SEC16A: variants seen among roughly 807,000 people sequenced by gnomAD.
SEC16A encodes the protein SEC16 homolog A, endoplasmic reticulum export factor.
A neutral mutation model predicts 221.9 loss-of-function variants in SEC16A; 110 were observed. That is an observed-to-expected ratio of 0.50 (90% confidence interval 0.42 to 0.58). SEC16A has a LOEUF of 0.58. Ranked by LOEUF, SEC16A falls within the 20% of genes least tolerant of loss-of-function variation. The pLI, the probability that SEC16A is intolerant of heterozygous loss-of-function variation, is 0.00. For synonymous variants in SEC16A, 1,393 were observed against 1,257.7 expected, an observed-to-expected ratio of 1.11 and a Z score of -2.28; for missense variants, 3,165 against 3,097.8, an observed-to-expected ratio of 1.02 and a Z score of -0.52.
chr9:136,470,771 G>C (rs768259207), intron 4 of SEC16A, among the ~76,000 whole-genome samples: 2 of 152,216 alleles, frequency 1.3e-5, no homozygotes, highest in East Asian at 1.9e-4. Context: ...TAATAAGCAC[G>C]AGGAACCTTT....
In SEC16A at chr9:136,476,670, C is replaced by G. The variant is rs772914656; in HGVS notation, c.946G>C (p.Glu316Gln). 6 of 1,569,964 alleles carry G rather than the reference C, an allele frequency of 3.8e-6. No individual in the cohort carries two copies. The highest frequency in any genetic ancestry group is 1.8e-5 in the Admixed American group (1 of 55,838). ...TTCACTCCTGGATTCTGCCTGAGCT[C>G]TGGGCTTGCCCAGTGATTCACAATT... ...PRIVNHWASPELRQNPGVKNE... is the reference protein window; with the variant it reads ...PRIVNHWASPQLRQNPGVKNE... The change falls in exon 3 of 32, where the codon GAG (glutamate) becomes CAG (glutamine). Residue 316 changes from glutamate to glutamine, a missense_variant. Physicochemically the swap from Glu to Gln is conservative, Grantham distance 29 (BLOSUM62 2). Coordinates refer to ENST00000684901, the MANE Select transcript of SEC16A (RefSeq NM_014866.2).
Position 136,468,529 on chromosome 9 carries a change from T to C in SEC16A, c.3705-17A>G. 1 of 1,520,690 alleles carries C rather than the reference T, an allele frequency of 6.6e-7. No homozygotes were observed. Among genetic ancestry groups the C allele is most frequent in the Non-Finnish European group, 9.1e-7 (1 of 1,095,780 alleles). 94.2% of individuals were successfully genotyped at this position (1,520,690 alleles called of 1,614,324 possible). Reference sequence around the variant, plus strand: ...TATCCTTGCCTGAAAAAACACACAGTGCTGTTAAAACACAAATTACCTATT... The same window carrying C: ...TATCCTTGCCTGAAAAAACACACAGCGCTGTTAAAACACAAATTACCTATT... On this transcript the variant is annotated splice_polypyrimidine_tract_variant and intron_variant, in intron 4 of 31. Coordinates refer to ENST00000684901, the MANE Select transcript of SEC16A (RefSeq NM_014866.2).
chr9:136,451,152 G>T, intron 23 of SEC16A, 104 bp downstream of exon 23: 1 of 1,179,094 alleles, frequency 8.5e-7, no homozygotes, highest in Non-Finnish European at 1.2e-6. Context: ...TGTATCAGGA[G>T]GCTATTTGCA....
At chr9:136,461,925 G>A (rs1031899951) in intron 12 of SEC16A, among the ~76,000 whole-genome samples, 11 of 151,394 alleles carry the variant, frequency 7.3e-5, no homozygotes, top group African/African-American at 2.4e-4. Context: ...TGGCAACATG[G>A]TGAAACCCCG....
chr9:136,460,585 T>C (rs1222128448), intron 13 of SEC16A, among the ~76,000 whole-genome samples: 2 of 151,078 alleles, frequency 1.3e-5, no homozygotes, highest in African/African-American at 4.9e-5. Context: ...TATTTTTCTT[T>C]CTTATCTCAA....
rs754446117 is a variant in SEC16A at position 136,469,849 on chromosome 9, G to A, written c.3705-1337C>T. Among the ~76,000 whole-genome samples the A allele has an allele frequency of 2.4e-4, 36 of 152,188 alleles. 1 individual carries two copies. Among genetic ancestry groups the A allele is most frequent in the Admixed American group, 1.3e-3 (20 of 15,278 alleles). ...GCTGCTGCTGGGTGGCATGGGGCCC[G>A]GCCCACTTGTCCCCCTACATCCAAC... On this transcript the variant is annotated intron_variant, in intron 4 of 31. Coordinates refer to ENST00000684901, the MANE Select transcript of SEC16A (RefSeq NM_014866.2).
At chr9:136,479,391 C>T (rs1045964563) in intron 1 of SEC16A, among the ~76,000 whole-genome samples, 12 of 151,978 alleles carry the variant, frequency 7.9e-5, no homozygotes, top group Non-Finnish European at 1.0e-4. Context: ...CTTGCTCTGT[C>T]GCCCAGACTG....
In SEC16A at chr9:136,475,271, C is replaced by T. The variant is rs753111147; in HGVS notation, c.2345G>A (p.Arg782Gln). 20 of 1,613,394 alleles carry T rather than the reference C, an allele frequency of 1.2e-5. No individual in the cohort carries two copies. The highest frequency in any genetic ancestry group is 9.9e-5 in the South Asian group (9 of 91,084). ...GTTCTCAGAAGCACCAATGCCACCT[C>T]GGCTCTGCACCGGGGCCGCCGAGCT... The part of the protein sequence containing the change: ...NPSSAAPVQS[R>Q]GGIGASENLE... The change falls in exon 3 of 32, where the codon CGA becomes CAA. Residue 782 changes from arginine (R) to glutamine (Q), a missense_variant. Physicochemically the swap from Arg to Gln is conservative, Grantham distance 43. Coordinates refer to ENST00000684901, the MANE Select transcript of SEC16A (RefSeq NM_014866.2). This position sits in a 1 kb window ranked among gnomAD's most constrained non-coding sequence, Gnocchi z 5.0.
upstream of SEC16A, chr9:136,483,450 C>CA: frequency 1.2e-5 from 9 of 756,948 alleles, no homozygotes; most frequent in Non-Finnish European, 1.4e-5. Context: ...GGCCCCGCCC[C>CA]TCGGCCGTCC....
chr9:136,461,128 A>C (rs1839421132), intron 13 of SEC16A, 49 bp downstream of exon 13: 1 of 1,456,152 alleles, frequency 6.9e-7, no homozygotes, highest in African/African-American at 1.4e-5. Flanking sequence ...CGCGTGCTAC[A>C]GGGAGCCAGC....
At chr9:136,461,417 G>A in intron 12 of SEC16A, 143 bp from the exon 13 acceptor site, 1 of 664,458 alleles carries the variant, frequency 1.5e-6, no homozygotes, top group East Asian at 2.7e-5. Flanking sequence ...ACCATTTGGA[G>A]ACTAAAGACA....
rs917430012 is a variant in SEC16A, at chr9:136,458,342, C to T, written c.5410-758G>A. On this transcript the variant is annotated intron_variant, in intron 17 of 31. Transcript: ENST00000684901. ...CCGCCCTCAAATATTAAAAATAGCT[C>T]GTACGGCTGGGCGCGGTGGCTCACG... 5.3e-5 allele frequency among the ~76,000 whole-genome samples: 8 copies of T among 152,084 alleles called. No homozygotes were observed. In the South Asian group the frequency reaches 1.7e-3, roughly 31 times the overall value.
intron 1 of SEC16A, among the ~76,000 whole-genome samples, chr9:136,482,500 C>T (rs1842514027): frequency 6.6e-6 from 1 of 152,116 alleles, no homozygotes; most frequent in Non-Finnish European, 1.5e-5. Context: ...CCTGATCGCC[C>T]AATCAAGAAA....
rs765375075 is a variant in SEC16A at position 136,463,594 on chromosome 9, T to C, written c.4516A>G (p.Thr1506Ala). The C allele has an allele frequency of 2.5e-6, 4 of 1,613,792 alleles. No homozygotes were observed. The change falls in exon 11 of 32, where the codon ACC becomes GCC. Residue 1506 changes from threonine to alanine, a missense_variant. This residue lies in a region of SEC16A where 47 missense variants were observed against 85.0 expected (regional missense o/e 0.55). Transcript: ENST00000684901. Reference sequence around the variant, plus strand: ...AAATTAATGACATCCACCTTATGGGTGTCGTCTCTGCAGAAAGAACACACA... The same window carrying C: ...AAATTAATGACATCCACCTTATGGGCGTCGTCTCTGCAGAAAGAACACACA... ...AFPGPLAKDDTHKVDVINFAQ... is the reference protein window; with the variant it reads ...AFPGPLAKDDAHKVDVINFAQ...
chr9:136,449,631 C>T (rs1018713521), intron 23 of SEC16A, among the ~76,000 whole-genome samples: 3 of 152,166 alleles, frequency 2.0e-5, no homozygotes, highest in Non-Finnish European at 4.4e-5. Context: ...CCGCCATGCC[C>T]GGCCTGATGC....
At chr9:136,444,823 G>A (rs943106485) in intron 30 of SEC16A, among the ~76,000 whole-genome samples, 2 of 147,846 alleles carry the variant, frequency 1.4e-5, no homozygotes, top group Non-Finnish European at 3.0e-5. Flanking sequence ...AGGTGGCGGT[G>A]AGCTGAGATC....
chr9:136,455,649 C>G lies in SEC16A; in HGVS notation c.5809G>C (p.Ala1937Pro). 1 of 1,589,878 alleles carries G rather than the reference C, an allele frequency of 6.3e-7. No homozygotes were observed. Among genetic ancestry groups the G allele is most frequent in the East Asian group, 2.3e-5 (1 of 43,544 alleles). Residue 1937 changes from alanine to proline, a missense_variant, in exon 20 of 32, where the codon GCA becomes CCA. Around this residue, in one of 3 missense-constraint regions of SEC16A, gnomAD observed 1,088 missense variants for 1,089.6 expected, o/e 1.00. Coordinates refer to ENST00000684901, the MANE Select transcript of SEC16A (RefSeq NM_014866.2). ...GIANPLLAVP[A>P]PSPEHSSPSV... Reference sequence around the variant, plus strand: ...GGGCTCGAGTGCTCAGGGCTCGGTGCAGGCACCGCCAGCAGAGGGTTGGCG... The same window carrying G: ...GGGCTCGAGTGCTCAGGGCTCGGTGGAGGCACCGCCAGCAGAGGGTTGGCG...
Position 136,459,588 on chromosome 9 carries a change from C to T in SEC16A, c.5192-33G>A. 6.6e-7 allele frequency: 1 copy of T among 1,525,106 alleles called. No individual in the cohort carries two copies. 94.5% of individuals were successfully genotyped at this position (1,525,106 alleles called of 1,614,324 possible). On this transcript the variant is annotated intron_variant, in intron 15 of 31. Transcript: ENST00000684901. This position sits in a 1 kb window ranked among gnomAD's most constrained non-coding sequence, Gnocchi z 6.1. ...GAGACGACACGACACACGGCGGGGGCTCAGCGACCGGGAGCGCTTGCAGAA... is the reference window on the plus strand; with the variant it reads ...GAGACGACACGACACACGGCGGGGGTTCAGCGACCGGGAGCGCTTGCAGAA...
chr9:136,453,859 G>A (rs1039319227), intron 21 of SEC16A, among the ~76,000 whole-genome samples: 1 of 152,166 alleles, frequency 6.6e-6, no homozygotes, highest in Non-Finnish European at 1.5e-5. Context: ...TGGCCACCAT[G>A]CCCTGCCCCA....
Sources: allele counts gnomAD v4.1 joint callset (sites outside exome capture counted in the v4.1 genomes callset), GRCh38; gene constraint gnomAD v4.1.1; regional missense constraint gnomAD v4.1.1; non-coding constraint Gnocchi (gnomAD v3.1); transcripts MANE v1.5; gene names NCBI Gene and HGNC (gene_info 2026-07-23, HGNC 2026-07-21).